WDFY1: variants seen among roughly 807,000 people sequenced by gnomAD.
WDFY1 encodes WD repeat and FYVE domain containing 1, also known as WD repeat and FYVE domain-containing protein 1.
In WDFY1, 32 loss-of-function variants were observed where a neutral mutation model predicts 56.4. The observed-to-expected ratio is 0.57, with a 90% CI of 0.43 to 0.76. The LOEUF is 0.76. WDFY1 is among the 30% of genes least tolerant of loss of function. The probability of loss-of-function intolerance (pLI) is 0.00; values close to 1 mark genes in which losing one functional copy is unlikely to be tolerated. For synonymous variants in WDFY1, 192 were observed against 197.3 expected, an observed-to-expected ratio of 0.97 and a Z score of 0.23; for missense variants, 480 against 545.7, an observed-to-expected ratio of 0.88 and a Z score of 1.20.
At chr2:223,937,095 G>T (rs138016583) in intron 1 of WDFY1, among the ~76,000 whole-genome samples, 74 of 152,314 alleles carry the variant, frequency 4.9e-4, no homozygotes, top group Non-Finnish European at 9.3e-4. Context: ...TATAGCAGGG[G>T]AAAGATGTCT....
chr2:223,884,013 GA>G (rs1321468143), intron 9 of WDFY1, among the ~76,000 whole-genome samples: 4 of 150,654 alleles, frequency 2.7e-5, no homozygotes, highest in Non-Finnish European at 5.9e-5. Context: ...ATAATAAAAG[GA>G]ATAAAATCAG....
intron 1 of WDFY1, among the ~76,000 whole-genome samples, chr2:223,927,093 T>C (rs965452745): frequency 6.6e-6 from 1 of 152,228 alleles, no homozygotes; most frequent in Non-Finnish European, 1.5e-5. Context: ...TTGTTCCATT[T>C]ATAGAGCACA....
intron 8 of WDFY1, among the ~76,000 whole-genome samples, chr2:223,891,548 A>G (rs570471071): frequency 2.4e-4 from 37 of 152,258 alleles, no homozygotes; most frequent in Non-Finnish European, 4.6e-4. Context: ...TGTCTCTTCT[A>G]CAGACGCAGT....
intron 4 of WDFY1, among the ~76,000 whole-genome samples, chr2:223,901,601 G>C (rs1693509111): frequency 6.6e-6 from 1 of 151,666 alleles, no homozygotes; most frequent in African/African-American, 2.4e-5. Flanking sequence ...CGCTCAAGGA[G>C]AAATCAAATA....
At chr2:223,933,014 T>TTCTG (rs1694105392) in intron 1 of WDFY1, among the ~76,000 whole-genome samples, 1 of 152,142 alleles carries the variant, frequency 6.6e-6, no homozygotes, top group Admixed American at 6.6e-5. Flanking sequence ...GTCTCTGGAA[T>TTCTG]TCTGCCCTGT....
chr2:223,881,825 A>G, intron 10 of WDFY1, 117 bp downstream of exon 10: 1 of 1,374,890 alleles, frequency 7.3e-7, no homozygotes, highest in South Asian at 1.4e-5. Context: ...TAGGAAATTC[A>G]GGAGAAACAA....
At chr2:223,881,857 A>C (rs1049825249) in intron 10 of WDFY1, 85 bp downstream of exon 10, 1 of 1,525,292 alleles carries the variant, frequency 6.6e-7, no homozygotes, top group Non-Finnish European at 8.9e-7. Flanking sequence ...AACATATCCT[A>C]TCACTTCTGA....
chr2:223,906,124 C>T (rs1422376326), intron 3 of WDFY1, 123 bp from the exon 4 acceptor site: 4 of 697,318 alleles, frequency 5.7e-6, no homozygotes, highest in Non-Finnish European at 9.0e-6. Flanking sequence ...GGACTTAAGG[C>T]GAGTTATTTA....
At chr2:223,883,348 C>T (rs567245158) in intron 9 of WDFY1, among the ~76,000 whole-genome samples, 26 of 152,326 alleles carry the variant, frequency 1.7e-4, no homozygotes, top group African/African-American at 5.5e-4. Context: ...TATTCTTTTA[C>T]CGCCAAAAGT....
At chr2:223,887,955 C>T (rs866062147) in intron 8 of WDFY1, among the ~76,000 whole-genome samples, 18 of 152,154 alleles carry the variant, frequency 1.2e-4, no homozygotes, top group African/African-American at 4.1e-4. Flanking sequence ...TCAGGAAAAA[C>T]GTTCTCAGTC....
At chr2:223,927,147 T>C (rs1693997933) in intron 1 of WDFY1, among the ~76,000 whole-genome samples, 1 of 152,198 alleles carries the variant, frequency 6.6e-6, no homozygotes, top group Non-Finnish European at 1.5e-5. Context: ...CTTAGGATTT[T>C]TGGAATGGTT....
At chr2:223,942,044 G>A (rs761920022) in intron 1 of WDFY1, among the ~76,000 whole-genome samples, 10 of 152,286 alleles carry the variant, frequency 6.6e-5, no homozygotes, top group African/African-American at 2.2e-4. Context: ...AGTGGTGCAC[G>A]AGTGAAAAAG....
At chr2:223,894,470 T>C in intron 7 of WDFY1, 131 bp from the exon 8 acceptor site, 1 of 796,844 alleles carries the variant, frequency 1.3e-6, no homozygotes, top group Non-Finnish European at 2.1e-6. Context: ...TTTAGCATGG[T>C]AAAATGAATT....
chr2:223,911,957 C>T (rs1469107126), intron 3 of WDFY1, among the ~76,000 whole-genome samples: 1 of 151,946 alleles, frequency 6.6e-6, no homozygotes, highest in Non-Finnish European at 1.5e-5. Flanking sequence ...GCTGGGACCA[C>T]AGGCATGCAC....
Position 223,899,116 on chromosome 2 carries a change from T to C in WDFY1, c.486-46A>G, listed in dbSNP as rs532940060. 1.1e-4 allele frequency: 164 copies of C among 1,511,764 alleles called. 3 individuals carry two copies. In the South Asian group the frequency reaches 1.7e-3, roughly 15 times the overall value. 93.6% of individuals were successfully genotyped at this position (1,511,764 alleles called of 1,614,324 possible). ...ATGTAGAACAGAAATCACCTGAAAGTCCTCTCATAAGAGAGATACCAGCAT... is the reference window on the plus strand; with the variant it reads ...ATGTAGAACAGAAATCACCTGAAAGCCCTCTCATAAGAGAGATACCAGCAT... On this transcript the variant is annotated intron_variant, in intron 5 of 11. Transcript: ENST00000233055.
chr2:223,902,835 T>G (rs1693527275), intron 4 of WDFY1, among the ~76,000 whole-genome samples: 1 of 151,412 alleles, frequency 6.6e-6, no homozygotes, highest in Non-Finnish European at 1.5e-5. Context: ...ATAGATTAAT[T>G]TGGTCTGTCT....
intron 1 of WDFY1, among the ~76,000 whole-genome samples, chr2:223,926,686 G>T (rs929211909): frequency 9.3e-5 from 14 of 150,282 alleles, no homozygotes; most frequent in African/African-American, 3.4e-4. Flanking sequence ...GTGTATTTTT[G>T]AAACAGAGTC....
chr2:223,895,670 GA>G, intron 6 of WDFY1, 40 bp from the exon 7 acceptor site: 1 of 1,608,730 alleles, frequency 6.2e-7, no homozygotes, highest in Non-Finnish European at 8.5e-7. Flanking sequence ...GGAGGCAGGG[GA>G]GAAGTAAAAT....
At chr2:223,915,360 A>G (rs1315458917) in intron 2 of WDFY1, among the ~76,000 whole-genome samples, 2 of 152,066 alleles carry the variant, frequency 1.3e-5, no homozygotes, top group African/African-American at 4.8e-5. Flanking sequence ...CTGAAGACAG[A>G]GAGATCCACT....
Sources: allele counts gnomAD v4.1 joint callset (sites outside exome capture counted in the v4.1 genomes callset), GRCh38; gene constraint gnomAD v4.1.1; transcripts MANE v1.5; gene names NCBI Gene and HGNC (gene_info 2026-07-23, HGNC 2026-07-21).